A2ML1: variants seen among roughly 807,000 people sequenced by gnomAD.
A2ML1 encodes the protein alpha-2-macroglobulin-like protein 1.
A neutral mutation model predicts 181.9 loss-of-function variants in A2ML1; 161 were observed. The observed-to-expected ratio is 0.89, with a 90% CI of 0.78 to 1.01. A2ML1 has a LOEUF of 1.01. A2ML1 is among the 50% of genes least tolerant of loss of function. A2ML1 has a pLI of 0.00. For synonymous variants in A2ML1, 663 were observed against 666.8 expected, an observed-to-expected ratio of 0.99 and a Z score of 0.09; for missense variants, 1,670 against 1,768.1, an observed-to-expected ratio of 0.94 and a Z score of 1.00.
At chr12:8,826,620 G>C (rs1942937132) in intron 3 of A2ML1, among the ~76,000 whole-genome samples, 1 of 151,842 alleles carries the variant, frequency 6.6e-6, no homozygotes, top group Non-Finnish European at 1.5e-5. Context: ...GCTAATTTTT[G>C]TTTTTGTTTT....
rs768574933 is a variant in A2ML1, at chr12:8,839,132, T to A, written c.990T>A (p.Thr330=). Reference sequence around the variant, plus strand: ...CTGCAGGTGTGGAGGCCAATGCCACTCAGAATATCTACATTTCTCCACAAA... The same window carrying A: ...CTGCAGGTGTGGAGGCCAATGCCACACAGAATATCTACATTTCTCCACAAA... ...EEGTGVEANA[T]QNIYISPQMG... Residue 330 remains threonine (T), a synonymous_variant, in exon 10 of 36, where the codon ACT becomes ACA. Coordinates refer to ENST00000299698, the MANE Select transcript of A2ML1 (RefSeq NM_144670.6). 2 of 1,613,016 alleles carry A rather than the reference T, an allele frequency of 1.2e-6. No individual in the cohort carries two copies. Among genetic ancestry groups the A allele is most frequent in the Non-Finnish European group, 1.7e-6 (2 of 1,179,480 alleles).
At position 8,841,238 on chromosome 12, in the gene A2ML1, C is replaced by A. The variant is rs1000855663; in HGVS notation, c.1081-131C>A. 5.2e-6 allele frequency: 4 copies of A among 764,536 alleles called. No homozygotes were observed. In the African/African-American group the frequency reaches 7.1e-5, roughly 14 times the overall value. 47.4% of individuals were successfully genotyped at this position (764,536 alleles called of 1,614,324 possible). A position where few individuals can be genotyped will look rare whatever the true frequency, so the allele number is the denominator to read the frequency against. On this transcript the variant is annotated intron_variant, in intron 10 of 35. Transcript: ENST00000299698. The stretch of plus-strand genomic sequence containing the variant: ...TCAGGACTCTTTCCTGAAATGTATT[C>A]TTAGAAATTCTGTTATTACTTTTAG...
downstream of A2ML1, among the ~76,000 whole-genome samples, chr12:8,878,069 G>A (rs769355626): frequency 2.0e-5 from 3 of 152,220 alleles, no homozygotes; most frequent in Non-Finnish European, 2.9e-5. The surrounding 1 kb of genome is among the most constrained non-coding windows in gnomAD (Gnocchi z 4.4). Context: ...TTGGGAGGCC[G>A]AGGTGGGTGG....
At chr12:8,872,506 G>A (rs1333413989) in intron 33 of A2ML1, among the ~76,000 whole-genome samples, 3 of 151,704 alleles carry the variant, frequency 2.0e-5, no homozygotes, top group Non-Finnish European at 2.9e-5. Context: ...TTCTGGCCAG[G>A]CGTGGTGGCT....
In A2ML1 at chr12:8,831,509, T is replaced by G. The variant is rs113632912; in HGVS notation, c.462+1730T>G. Among the ~76,000 whole-genome samples the G allele has an allele frequency of 1.1e-3, 167 of 152,284 alleles. 3 individuals are homozygous for G. Among genetic ancestry groups the G allele is most frequent in the Non-Finnish European group, 1.5e-3 (103 of 68,028 alleles). ...AGCCAAACTCTCCCTCCAAATTCAG[T>G]TGAAACACTGAGATTAACAAAAGGA... On this transcript the variant is annotated intron_variant, in intron 4 of 35. Coordinates refer to ENST00000299698, the MANE Select transcript of A2ML1 (RefSeq NM_144670.6).
chr12:8,826,711 T>G (rs1942940810), intron 3 of A2ML1, among the ~76,000 whole-genome samples: 1 of 152,156 alleles, frequency 6.6e-6, no homozygotes, highest in Non-Finnish European at 1.5e-5. Context: ...CTCTGCCTCC[T>G]GGGTTCAAGT....
At chr12:8,857,775 C>G in intron 25 of A2ML1, 171 bp from the exon 26 acceptor site, 2 of 1,116,336 alleles carry the variant, frequency 1.8e-6, no homozygotes, top group Non-Finnish European at 2.6e-6. Context: ...TTGTGCCTCC[C>G]CTGTTCTTGT....
intron 15 of A2ML1, among the ~76,000 whole-genome samples, chr12:8,848,022 A>T (rs1943757713): frequency 6.8e-6 from 1 of 147,920 alleles, no homozygotes; most frequent in East Asian, 2.0e-4. Flanking sequence ...GCATGGGCCC[A>T]TGCCTGTAAT....
rs1428383936 is a variant in A2ML1, at chr12:8,849,041, C to T, written c.2028+127C>T. 3 of 1,056,454 alleles carry T rather than the reference C, an allele frequency of 2.8e-6. No individual in the cohort carries two copies. The African/African-American group carries it at 4.8e-5, about 17-fold the overall frequency. 65.4% of individuals were successfully genotyped at this position (1,056,454 alleles called of 1,614,324 possible). ...GATGGGAACAAAATCTTGAAAGAAG[C>T]TTCTGACGTGTAAGGTCGCCTCTGT... is the stretch of plus-strand genomic sequence containing the variant. On this transcript the variant is annotated intron_variant, in intron 16 of 35. Transcript: ENST00000299698.
At chr12:8,854,968 C>T (rs1944014790) in intron 22 of A2ML1, 137 bp downstream of exon 22, 3 of 870,052 alleles carry the variant, frequency 3.4e-6, no homozygotes, top group Admixed American at 5.0e-5. Flanking sequence ...GATTTCAGCT[C>T]ATTGCAACCT....
intron 14 of A2ML1, 22 bp downstream of exon 14, chr12:8,846,244 G>T (rs1288912085): frequency 6.2e-7 from 1 of 1,613,038 alleles, no homozygotes; most frequent in African/African-American, 1.3e-5. Context: ...GCGGAGAAGG[G>T]TGAAGATAAA....
chr12:8,870,601 T>C (rs902762969), intron 33 of A2ML1, among the ~76,000 whole-genome samples: 10 of 152,164 alleles, frequency 6.6e-5, no homozygotes, highest in African/African-American at 1.7e-4. Context: ...ACAGCTCGGG[T>C]TAGCTTATCT....
chr12:8,869,084 C>A, intron 32 of A2ML1, 51 bp from the exon 33 acceptor site: 1 of 1,577,184 alleles, frequency 6.3e-7, no homozygotes, highest in Non-Finnish European at 8.7e-7. Context: ...AAGACTACCC[C>A]AGGGAAGGCT....
Position 8,848,931 on chromosome 12 carries a change from A to G in A2ML1, c.2028+17A>G. ...TTTTTCCGGGTAGGTCTTCTTACCCATTTTGTTCTTATGGGAAAGATGGTG... is the reference window on the plus strand; with the variant it reads ...TTTTTCCGGGTAGGTCTTCTTACCCGTTTTGTTCTTATGGGAAAGATGGTG... On this transcript the variant is annotated intron_variant, in intron 16 of 35. Coordinates refer to ENST00000299698, the MANE Select transcript of A2ML1 (RefSeq NM_144670.6). The G allele has an allele frequency of 6.2e-7, 1 of 1,601,244 alleles. No homozygotes were observed. The highest frequency in any genetic ancestry group is 8.5e-7 in the Non-Finnish European group (1 of 1,174,672).
intron 4 of A2ML1, among the ~76,000 whole-genome samples, chr12:8,830,390 T>C (rs1418579893): frequency 7.2e-6 from 1 of 138,806 alleles, no homozygotes; most frequent in Non-Finnish European, 1.6e-5. Context: ...TTCAAGACCT[T>C]TTCTTCAGGA....
At chr12:8,840,863 T>A (rs1433605306) in intron 10 of A2ML1, among the ~76,000 whole-genome samples, 1 of 148,000 alleles carries the variant, frequency 6.8e-6, no homozygotes, top group Non-Finnish European at 1.5e-5. Flanking sequence ...GCTGAGCTCG[T>A]CCCACTGCAC....
intron 10 of A2ML1, 25 bp from the exon 11 acceptor site, chr12:8,841,344 A>T: frequency 6.2e-7 from 1 of 1,608,378 alleles, no homozygotes; most frequent in Non-Finnish European, 8.5e-7. Flanking sequence ...CCTAATTCTA[A>T]TCCGTAATGA....
At position 8,868,044 on chromosome 12, in the gene A2ML1, G is replaced by T. The variant is rs749887494; in HGVS notation, c.3920G>T (p.Cys1307Phe). Residue 1307 changes from cysteine (C) to phenylalanine (F), a missense_variant, in exon 30 of 36, where the codon TGT becomes TTT. Cys to Phe is a radical substitution (Grantham distance 205, BLOSUM62 -2). Transcript: ENST00000299698. ...ACGTTGGAGGCCTCAGGCCAGGGCTGTGTCTATGTGCAGGTAAGTAGAGAT... is the reference window on the plus strand; with the variant it reads ...ACGTTGGAGGCCTCAGGCCAGGGCTTTGTCTATGTGCAGGTAAGTAGAGAT... ...MYTLEASGQGCVYVQTVLRYN... is the reference protein window; with the variant it reads ...MYTLEASGQGFVYVQTVLRYN... 2 of 1,614,042 alleles carry T rather than the reference G, an allele frequency of 1.2e-6. No homozygotes were observed. The highest frequency in any genetic ancestry group is 1.7e-5 in the Admixed American group (1 of 60,014).
downstream of A2ML1, among the ~76,000 whole-genome samples, chr12:8,877,262 G>A (rs36008508): frequency 0.22 from 33,867 of 152,144 alleles, 4,161 homozygotes; most frequent in Middle Eastern, 0.34. Flanking sequence ...GATCCATTAT[G>A]CTCCCCTTGA....
Sources: gnomAD v4.1 joint callset for allele counts (sites outside exome capture counted in the v4.1 genomes callset) on GRCh38, gnomAD v4.1.1 for gene constraint, Gnocchi (gnomAD v3.1) non-coding constraint, MANE v1.5 for transcripts, NCBI Gene and HGNC (gene_info 2026-07-23, HGNC 2026-07-21) for gene names.